EEPD1: variants seen among roughly 807,000 people sequenced by gnomAD.
EEPD1 encodes the protein endonuclease/exonuclease/phosphatase family domain containing 1.
A neutral mutation model predicts 46.3 loss-of-function variants in EEPD1; 17 were observed. The observed-to-expected ratio is 0.37, with a 90% confidence interval of 0.25 to 0.55. The LOEUF (loss-of-function observed/expected upper bound fraction) is 0.55, where lower values mean the gene tolerates loss of function less well. Ranked by LOEUF, EEPD1 falls within the 20% of genes least tolerant of loss-of-function variation. EEPD1 has a pLI of 0.83. For missense variants in EEPD1, 673 were observed against 745.6 expected (o/e 0.90, Z 1.13); for synonymous variants, 313 against 315.6 (o/e 0.99, Z 0.09).
chr7:36,166,584 G>C lies in EEPD1; in HGVS notation c.878+11382G>C, dbSNP rs577200888. On this transcript the variant is annotated intron_variant, in intron 2 of 7. Transcript: ENST00000242108. ...AACAAACAAACAAACAAAAAAACAG[G>C]CTTTCTTGTCATTGGTCAACCTAGG... is the stretch of plus-strand genomic sequence containing the variant. Among the ~76,000 whole-genome samples the C allele has an allele frequency of 8.6e-5, 13 of 151,608 alleles. 1 individual carries two copies. In the South Asian group the frequency reaches 1.7e-3, roughly 20 times the overall value.
intron 2 of EEPD1, among the ~76,000 whole-genome samples, chr7:36,228,028 T>C (rs1000011213): frequency 6.6e-6 from 1 of 152,096 alleles, no homozygotes; most frequent in Non-Finnish European, 1.5e-5. Flanking sequence ...GAGGATCGCT[T>C]GAGCCCAGGA....
chr7:36,179,962 A>C (rs1023956231), intron 2 of EEPD1, among the ~76,000 whole-genome samples: 4 of 152,128 alleles, frequency 2.6e-5, no homozygotes, highest in Non-Finnish European at 5.9e-5. Flanking sequence ...GATGCCCTTC[A>C]CTGCCCTGAG....
chr7:36,221,582 G>A (rs115559471), intron 2 of EEPD1, among the ~76,000 whole-genome samples: 12 of 152,154 alleles, frequency 7.9e-5, no homozygotes, highest in Admixed American at 1.3e-4. Context: ...CAATTCCACC[G>A]TAACAGGAAC....
At chr7:36,205,590 C>G (rs900898241) in intron 2 of EEPD1, among the ~76,000 whole-genome samples, 1 of 152,188 alleles carries the variant, frequency 6.6e-6, no homozygotes, top group African/African-American at 2.4e-5. Flanking sequence ...AGCGCTGCAT[C>G]TGGAGGGGTA....
At chr7:36,241,943 C>T (rs914117357) in intron 3 of EEPD1, among the ~76,000 whole-genome samples, 1 of 152,156 alleles carries the variant, frequency 6.6e-6, no homozygotes, top group Admixed American at 6.5e-5. Context: ...CCAGAGCTAA[C>T]CCAATCTGTG....
intron 3 of EEPD1, among the ~76,000 whole-genome samples, chr7:36,252,659 C>A (rs11772721): frequency 0.085 from 12,869 of 151,798 alleles, 788 homozygotes; most frequent in Admixed American, 0.15. Flanking sequence ...CAAAGTGTGG[C>A]CAAAACAGGG....
intron 2 of EEPD1, among the ~76,000 whole-genome samples, chr7:36,220,790 T>TTTTTG (rs963103839): frequency 3.3e-5 from 5 of 152,006 alleles, no homozygotes; most frequent in African/African-American, 2.4e-5. Flanking sequence ...CTGAATTCGG[T>TTTTTG]TTTTGTTTTG....
At chr7:36,271,298 C>T (rs1003343951) in intron 3 of EEPD1, among the ~76,000 whole-genome samples, 5 of 152,014 alleles carry the variant, frequency 3.3e-5, no homozygotes, top group African/African-American at 4.8e-5. Context: ...TAATGATCGC[C>T]GTTCTAACTG....
At chr7:36,171,679 T>G (rs1159064995) in intron 2 of EEPD1, among the ~76,000 whole-genome samples, 1 of 152,242 alleles carries the variant, frequency 6.6e-6, no homozygotes, top group Non-Finnish European at 1.5e-5. Context: ...TGGTGTTAAT[T>G]GTGTCTTTGC....
chr7:36,197,532 G>A (rs560827586), intron 2 of EEPD1, among the ~76,000 whole-genome samples: 48 of 152,324 alleles, frequency 3.2e-4, no homozygotes, highest in African/African-American at 9.4e-4. Context: ...TGTAGAAAGA[G>A]GTAGACATGG....
intron 3 of EEPD1, among the ~76,000 whole-genome samples, chr7:36,268,307 G>A (rs536853573): frequency 1.3e-5 from 2 of 152,078 alleles, no homozygotes; most frequent in East Asian, 3.9e-4. Context: ...ATCCACCACC[G>A]TGCCTGTAAT....
At chr7:36,188,570 T>C (rs533117207) in intron 2 of EEPD1, among the ~76,000 whole-genome samples, 9 of 152,274 alleles carry the variant, frequency 5.9e-5, no homozygotes, top group Non-Finnish European at 1.2e-4. Flanking sequence ...TACTGTGTGT[T>C]GGAAGCGGGC....
At chr7:36,260,525 A>G (rs1786903965) in intron 3 of EEPD1, among the ~76,000 whole-genome samples, 1 of 152,220 alleles carries the variant, frequency 6.6e-6, no homozygotes, top group African/African-American at 2.4e-5. Context: ...AGAGCAACTC[A>G]TACTTCTTTA....
intron 2 of EEPD1, among the ~76,000 whole-genome samples, chr7:36,192,851 T>C (rs1221668649): frequency 1.3e-5 from 2 of 152,260 alleles, no homozygotes; most frequent in African/African-American, 4.8e-5. Context: ...TTCTGTCTTC[T>C]GTCCTTGGCT....
At chr7:36,266,375 G>C (rs541460774) in intron 3 of EEPD1, among the ~76,000 whole-genome samples, 1 of 151,966 alleles carries the variant, frequency 6.6e-6, no homozygotes, top group African/African-American at 2.4e-5. Flanking sequence ...TTGAATCCTC[G>C]CAGTCTAGAG....
At chr7:36,217,862 C>G (rs1232609794) in intron 2 of EEPD1, among the ~76,000 whole-genome samples, 1 of 152,180 alleles carries the variant, frequency 6.6e-6, no homozygotes, top group East Asian at 1.9e-4. Context: ...GGTGAAAGGT[C>G]AGCAGTGAAT....
In EEPD1 at chr7:36,270,877, C is replaced by A. The variant is rs566597004; in HGVS notation, c.931-10238C>A. ...TAGTTCTAGATCCTTGAGGAATCGC[C>A]ACACTGTCTTCCACAATGGTTGAAC... On this transcript the variant is annotated intron_variant, in intron 3 of 7. Transcript: ENST00000242108. Among the ~76,000 whole-genome samples the A allele has an allele frequency of 1.5e-3, 224 of 152,302 alleles. 4 individuals are homozygous for A. The South Asian group carries it at 0.024, about 16-fold the overall frequency.
intron 3 of EEPD1, among the ~76,000 whole-genome samples, chr7:36,271,753 C>T (rs1213957651): frequency 6.6e-6 from 1 of 150,684 alleles, no homozygotes. Flanking sequence ...AGTCTTTAAT[C>T]CATCTGGAGT....
intron 2 of EEPD1, among the ~76,000 whole-genome samples, chr7:36,216,463 G>A (rs1786031512): frequency 1.3e-5 from 2 of 152,218 alleles, no homozygotes; most frequent in South Asian, 4.1e-4. Context: ...ATTACCCAGA[G>A]CAAGGGAGTG....
Sources: allele counts gnomAD v4.1 joint callset (sites outside exome capture counted in the v4.1 genomes callset), GRCh38; gene constraint gnomAD v4.1.1; transcripts MANE v1.5; gene names NCBI Gene and HGNC (gene_info 2026-07-23, HGNC 2026-07-21).